Variants in ME1 observed in about 807,000 individuals in gnomAD.
ME1 encodes the protein malic enzyme 1, also known as NADP-dependent malic enzyme.
A neutral mutation model predicts 66.4 loss-of-function variants in ME1; 74 were observed. The observed-to-expected ratio is 1.11, with a 90% CI of 0.92 to 1.35. The LOEUF (loss-of-function observed/expected upper bound fraction) is 1.35, where lower values mean the gene tolerates loss of function less well. Among genes scored for constraint, ME1 ranks in the 40% most tolerant of loss-of-function variants. ME1 has a pLI of 0.00. For missense variants in ME1, 750 were observed against 694.1 expected, an observed-to-expected ratio of 1.08 and a Z score of -0.90; for synonymous variants, 251 against 235.6, an observed-to-expected ratio of 1.07 and a Z score of -0.60.
chr6:83,415,142 CATATAATGAA>C (rs1424448077), intron 1 of ME1, among the ~76,000 whole-genome samples: 2 of 152,146 alleles, frequency 1.3e-5, no homozygotes, highest in Non-Finnish European at 2.9e-5. Flanking sequence ...AGTGATTACT[CATATAATGAA>C]CCAGAAAGAT....
chr6:83,253,942 G>C (rs1227640669), intron 6 of ME1, among the ~76,000 whole-genome samples: 1 of 152,136 alleles, frequency 6.6e-6, no homozygotes. Context: ...TTGGCACTGT[G>C]AAATAACATA....
At chr6:83,401,861 G>A (rs1294084805) in intron 2 of ME1, among the ~76,000 whole-genome samples, 1 of 152,174 alleles carries the variant, frequency 6.6e-6, no homozygotes, top group African/African-American at 2.4e-5. Context: ...TAGCTACCTG[G>A]TGGCAAGTTC....
At chr6:83,315,907 GATAA>G (rs901837064) in intron 5 of ME1, among the ~76,000 whole-genome samples, 4 of 151,838 alleles carry the variant, frequency 2.6e-5, no homozygotes, top group Non-Finnish European at 4.4e-5. Flanking sequence ...AATAAAAATA[GATAA>G]ATAAATAAAT....
intron 5 of ME1, among the ~76,000 whole-genome samples, chr6:83,322,377 T>C (rs1046889615): frequency 6.6e-6 from 1 of 152,148 alleles, no homozygotes; most frequent in East Asian, 1.9e-4. Context: ...GAGCATGTTC[T>C]AACTCAATGC....
chr6:83,399,534 G>A (rs969916204), intron 2 of ME1, among the ~76,000 whole-genome samples: 2 of 152,286 alleles, frequency 1.3e-5, no homozygotes, highest in East Asian at 3.9e-4. Flanking sequence ...CAGGAAATAA[G>A]TAAGAGAATG....
chr6:83,308,891 G>A (rs956102380), intron 6 of ME1, among the ~76,000 whole-genome samples: 1 of 152,028 alleles, frequency 6.6e-6, no homozygotes, highest in African/African-American at 2.4e-5. Flanking sequence ...ATTGAGAAAA[G>A]GATATTTGAG....
In ME1 at chr6:83,376,804, C is replaced by CAAAAAAAAAAAAAAAAAA. The variant is rs70987750; in HGVS notation, c.362+21562_362+21563insTTTTTTTTTTTTTTTTTT. On this transcript the variant is annotated intron_variant, in intron 3 of 13. Transcript: ENST00000369705. ...GGCGACAGAACCAGACCCTGTCTCACAAAAAAAAAAAAAAAATTCAAAAAA... is the reference window on the plus strand; with the variant it reads ...GGCGACAGAACCAGACCCTGTCTCACAAAAAAAAAAAAAAAAAAAAAAAAAAAAAAAAAATTCAAAAAA... Among the ~76,000 whole-genome samples, 369 of 86,946 alleles carry CAAAAAAAAAAAAAAAAAA rather than the reference C, an allele frequency of 4.2e-3. 19 individuals are homozygous for CAAAAAAAAAAAAAAAAAA. Among genetic ancestry groups the CAAAAAAAAAAAAAAAAAA allele is most frequent in the African/African-American group, 7.9e-3 (201 of 25,548 alleles). 57.0% of individuals were successfully genotyped at this position (86,946 alleles called of 152,430 possible). A position where few individuals can be genotyped will look rare whatever the true frequency, so the allele number is the denominator to read the frequency against.
intron 12 of ME1, among the ~76,000 whole-genome samples, 180 bp downstream of exon 12, chr6:83,223,580 T>C (rs1790131774): frequency 6.6e-6 from 1 of 152,174 alleles, no homozygotes; most frequent in Non-Finnish European, 1.5e-5. Flanking sequence ...AAGAAGAACC[T>C]TTCGTTTGTG....
At chr6:83,270,234 T>C (rs898031051) in intron 6 of ME1, among the ~76,000 whole-genome samples, 3 of 152,124 alleles carry the variant, frequency 2.0e-5, no homozygotes, top group African/African-American at 7.2e-5. Context: ...AAAACATATT[T>C]CTTATCAGAC....
chr6:83,312,997 T>A (rs1382165544), intron 6 of ME1, among the ~76,000 whole-genome samples: 4 of 152,184 alleles, frequency 2.6e-5, no homozygotes, highest in African/African-American at 9.6e-5. Flanking sequence ...CCTCAAGTGA[T>A]CTGCTTGCCT....
At chr6:83,284,923 A>G (rs1311780461) in intron 6 of ME1, among the ~76,000 whole-genome samples, 1 of 152,182 alleles carries the variant, frequency 6.6e-6, no homozygotes, top group African/African-American at 2.4e-5. Flanking sequence ...TCTGAGTAGT[A>G]TTCCATGGTA....
intron 6 of ME1, among the ~76,000 whole-genome samples, chr6:83,273,502 G>A (rs142034890): frequency 5.7e-4 from 87 of 152,106 alleles, no homozygotes; most frequent in Non-Finnish European, 8.2e-4. Flanking sequence ...CAACACTTAC[G>A]TTTCAACAAA....
At chr6:83,420,866 G>A (rs1245712597) in intron 1 of ME1, among the ~76,000 whole-genome samples, 1 of 151,958 alleles carries the variant, frequency 6.6e-6, no homozygotes, top group Non-Finnish European at 1.5e-5. Flanking sequence ...AGAAATTTTT[G>A]TTGTTGTTGT....
At chr6:83,228,586 C>T (rs766825064) in intron 10 of ME1, among the ~76,000 whole-genome samples, 6 of 152,116 alleles carry the variant, frequency 3.9e-5, no homozygotes, top group African/African-American at 7.2e-5. Flanking sequence ...AAGTGCTGAA[C>T]GTGCCAGGTA....
At chr6:83,421,884 T>C (rs934464867) in intron 1 of ME1, among the ~76,000 whole-genome samples, 2 of 152,184 alleles carry the variant, frequency 1.3e-5, no homozygotes, top group African/African-American at 4.8e-5. Flanking sequence ...CCAGAGGATA[T>C]AGAGCTGGTC....
At chr6:83,243,355 TATATA>T (rs1423134037) in intron 7 of ME1, among the ~76,000 whole-genome samples, 71 of 135,622 alleles carry the variant, frequency 5.2e-4, no homozygotes, top group East Asian at 8.2e-4. Context: ...TTTATATATT[TATATA>T]ATATATTATA....
chr6:83,223,948 C>G lies in ME1; in HGVS notation c.1276-15G>C, dbSNP rs1006290120. 5.0e-6 allele frequency: 8 copies of G among 1,606,936 alleles called. No individual in the cohort carries two copies. The African/African-American group carries it at 1.1e-4, about 21-fold the overall frequency. ...ATTGCACGTCCCTACAACAAAGACA[C>G]ATACAACTCACTTTAAAAAGAAGCA... On this transcript the variant is annotated splice_polypyrimidine_tract_variant and intron_variant, in intron 11 of 13. Coordinates refer to ENST00000369705, the MANE Select transcript of ME1 (RefSeq NM_002395.6).
At chr6:83,313,306 T>C (rs1451556737) in intron 6 of ME1, among the ~76,000 whole-genome samples, 3 of 152,218 alleles carry the variant, frequency 2.0e-5, no homozygotes, top group African/African-American at 7.2e-5. Context: ...CCCTGATTCA[T>C]AGGTGCTATC....
intron 5 of ME1, among the ~76,000 whole-genome samples, chr6:83,328,855 A>G (rs1768351872): frequency 2.0e-5 from 3 of 152,168 alleles, no homozygotes; most frequent in Admixed American, 2.0e-4. Context: ...AAGCCTGAGA[A>G]AAGGAAAAAG....
Sources: gnomAD v4.1 joint callset for allele counts (sites outside exome capture counted in the v4.1 genomes callset) on GRCh38, gnomAD v4.1.1 for gene constraint, MANE v1.5 for transcripts, NCBI Gene and HGNC (gene_info 2026-07-23, HGNC 2026-07-21) for gene names.